TMEM232: variants seen among roughly 807,000 people sequenced by gnomAD.
TMEM232 encodes the protein transmembrane protein 232.
TMEM232 carries 80 observed loss-of-function variants against 78.8 expected under a neutral mutation model. That is an observed-to-expected ratio of 1.01 (90% confidence interval 0.85 to 1.22). The LOEUF is 1.22. Ranked by LOEUF, TMEM232 falls within the 50% of genes most tolerant of loss-of-function variation. The probability of loss-of-function intolerance (pLI) is 0.00; values close to 1 mark genes in which losing one functional copy is unlikely to be tolerated. For missense variants in TMEM232, 881 were observed against 742.2 expected, an observed-to-expected ratio of 1.19 and a Z score of -2.17; for synonymous variants, 297 against 254.3, an observed-to-expected ratio of 1.17 and a Z score of -1.60.
chr5:110,425,008 A>T, intron 12 of TMEM232, 92 bp from the exon 13 acceptor site: 1 of 915,484 alleles, frequency 1.1e-6, no homozygotes, highest in Non-Finnish European at 1.6e-6. Context: ...ATTTATTATT[A>T]AGCATTTTGA....
chr5:110,455,146 C>CTCAAT (rs1760758940), intron 12 of TMEM232, among the ~76,000 whole-genome samples: 1 of 152,040 alleles, frequency 6.6e-6, no homozygotes, highest in South Asian at 2.1e-4. Context: ...GTTAAAGGAA[C>CTCAAT]TCAATTCATA....
At chr5:110,702,129 A>G (rs1430256817) in intron 1 of TMEM232, among the ~76,000 whole-genome samples, 1 of 151,946 alleles carries the variant, frequency 6.6e-6, no homozygotes, top group Non-Finnish European at 1.5e-5. Context: ...ACTTAAGCCC[A>G]CGTACTGAAC....
At chr5:110,613,625 T>C (rs1038908884) in intron 8 of TMEM232, among the ~76,000 whole-genome samples, 1 of 152,184 alleles carries the variant, frequency 6.6e-6, no homozygotes, top group African/African-American at 2.4e-5. Context: ...CCTGATGAAG[T>C]CTTAATGCAT....
chr5:110,470,281 G>A (rs950230754), intron 12 of TMEM232, among the ~76,000 whole-genome samples: 3 of 152,064 alleles, frequency 2.0e-5, no homozygotes, highest in African/African-American at 7.2e-5. Context: ...CTTGTTCCCT[G>A]GGCACAAGCG....
chr5:110,573,495 T>C lies in TMEM232; in HGVS notation c.1277-4870A>G, dbSNP rs78215197. 9.1e-3 allele frequency among the ~76,000 whole-genome samples: 1,392 copies of C among 152,180 alleles called. 21 individuals are homozygous for C. Among genetic ancestry groups the C allele is most frequent in the African/African-American group, 0.032 (1,320 of 41,548 alleles). ...GCCAGCCATGCATTTAACTAATATT[T>C]ACTGAGTGAATGCTAGATGCCAGCC... On this transcript the variant is annotated intron_variant, in intron 10 of 13. Transcript: ENST00000455884.
At chr5:110,652,294 G>GCACACAAACACACACA (rs1788441132) in intron 2 of TMEM232, among the ~76,000 whole-genome samples, 1 of 145,360 alleles carries the variant, frequency 6.9e-6, no homozygotes, top group East Asian at 2.0e-4. Context: ...GCACGCGCGC[G>GCACACAAACACACACA]CACACACACA....
chr5:110,596,768 C>T (rs1302815767), intron 10 of TMEM232, among the ~76,000 whole-genome samples: 8 of 152,156 alleles, frequency 5.3e-5, no homozygotes, highest in South Asian at 2.1e-4. Flanking sequence ...AAAAACCACA[C>T]GATTATCTCA....
At chr5:110,567,010 A>C (rs1398386049) in intron 11 of TMEM232, among the ~76,000 whole-genome samples, 2 of 151,928 alleles carry the variant, frequency 1.3e-5, no homozygotes, top group Non-Finnish European at 2.9e-5. Context: ...GCAAGAGAGC[A>C]TGTGCAGGGA....
chr5:110,441,908 G>GT (rs374396085), intron 12 of TMEM232, among the ~76,000 whole-genome samples: 4,105 of 149,774 alleles, frequency 0.027, 165 homozygotes, highest in African/African-American at 0.09. Context: ...GTTATTATTA[G>GT]TTTTTTTTTT....
intron 2 of TMEM232, among the ~76,000 whole-genome samples, chr5:110,652,167 A>C (rs1211051631): frequency 6.6e-6 from 1 of 152,192 alleles, no homozygotes; most frequent in Non-Finnish European, 1.5e-5. Flanking sequence ...TAAGATCCCT[A>C]AGAATGATTT....
At chr5:110,511,215 G>C (rs1561595997) in intron 12 of TMEM232, among the ~76,000 whole-genome samples, 1 of 152,138 alleles carries the variant, frequency 6.6e-6, no homozygotes, top group Non-Finnish European at 1.5e-5. Flanking sequence ...AATACTGCAT[G>C]TTCTCACTCG....
intron 11 of TMEM232, among the ~76,000 whole-genome samples, chr5:110,567,751 C>A (rs945584022): frequency 1.3e-5 from 2 of 151,890 alleles, no homozygotes; most frequent in African/African-American, 4.8e-5. Flanking sequence ...TTTACACTTT[C>A]TCTAGTCCAG....
In TMEM232 at chr5:110,499,638, CA is replaced by C. The variant is rs1561575602; in HGVS notation, c.1703+28949del. Among the ~76,000 whole-genome samples, 616 of 137,706 alleles carry C rather than the reference CA, an allele frequency of 4.5e-3. 11 individuals are homozygous for C. The highest frequency in any genetic ancestry group is 0.019 in the African/African-American group (570 of 29,476). 90.3% of individuals were successfully genotyped at this position (137,706 alleles called of 152,430 possible). On this transcript the variant is annotated intron_variant, in intron 12 of 13. Transcript: ENST00000455884. ...AAATATATGTATACACCCCCCCCCACACACACACATATATATATATATAAAG... is the reference window on the plus strand; with the variant it reads ...AAATATATGTATACACCCCCCCCCACCACACACATATATATATATATAAAG...
At chr5:110,555,245 A>C (rs1774937170) in intron 11 of TMEM232, among the ~76,000 whole-genome samples, 1 of 152,086 alleles carries the variant, frequency 6.6e-6, no homozygotes, top group Admixed American at 6.6e-5. Flanking sequence ...AAATTTATTG[A>C]TATCTGCTTT....
At chr5:110,497,582 G>A (rs908664051) in intron 12 of TMEM232, among the ~76,000 whole-genome samples, 1 of 152,236 alleles carries the variant, frequency 6.6e-6, no homozygotes, top group African/African-American at 2.4e-5. Flanking sequence ...CATATTTTCA[G>A]CTTCTCTTGG....
chr5:110,391,326 T>TGTGAGAGAGAGAGAGAGAGAGAGA lies in TMEM232; in HGVS notation n.391-687_391-686insTCTCTCTCTCTCTCTCTCTCTCAC, dbSNP rs549361387. ...GTGTGTGTGTGTGTGTGTGTGTGTG[T>TGTGAGAGAGAGAGAGAGAGAGAGA]GAGAGAGAGAGAGAGAGAGAGAAAC... On this transcript the variant is annotated intron_variant and non_coding_transcript_variant, in intron 3 of 8. Transcript: ENST00000507188. Among the ~76,000 whole-genome samples the TGTGAGAGAGAGAGAGAGAGAGAGA allele has an allele frequency of 4.3e-5, 6 of 139,922 alleles. No homozygotes were observed. The East Asian group carries it at 6.5e-4, about 15-fold the overall frequency. 91.8% of individuals were successfully genotyped at this position (139,922 alleles called of 152,430 possible).
At chr5:110,429,654 G>A (rs1757613352) in intron 12 of TMEM232, among the ~76,000 whole-genome samples, 1 of 151,702 alleles carries the variant, frequency 6.6e-6, no homozygotes, top group Non-Finnish European at 1.5e-5. Context: ...TATCCAATGA[G>A]GGGAAGATAT....
In TMEM232 at chr5:110,694,797, T is replaced by C. The variant is rs190684814; in HGVS notation, c.-12-27433A>G. ...CCCAATACAGGAGCACCAAGATTCA[T>C]AAAGCAAGTCCTTAGTGACCTACAA... On this transcript the variant is annotated intron_variant, in intron 1 of 13. Transcript: ENST00000455884. 4.6e-5 allele frequency among the ~76,000 whole-genome samples: 7 copies of C among 152,260 alleles called. No individual in the cohort carries two copies. In the East Asian group the frequency reaches 1.4e-3, roughly 29 times the overall value.
chr5:110,577,119 C>A (rs1777658327), intron 10 of TMEM232, among the ~76,000 whole-genome samples: 1 of 151,866 alleles, frequency 6.6e-6, no homozygotes, highest in African/African-American at 2.4e-5. Flanking sequence ...AAAATTTTTG[C>A]ACATTATGTA....
Sources: gnomAD v4.1 joint callset for allele counts (sites outside exome capture counted in the v4.1 genomes callset) on GRCh38, gnomAD v4.1.1 for gene constraint, MANE v1.5 for transcripts, NCBI Gene and HGNC (gene_info 2026-07-23, HGNC 2026-07-21) for gene names.